Variants in DENND1B observed in about 807,000 individuals in gnomAD.
The protein encoded by DENND1B is DENN domain containing 1B.
DENND1B carries 59 observed loss-of-function variants against 90.1 expected under a neutral mutation model. That is an observed-to-expected ratio of 0.65 (90% CI 0.53 to 0.81). DENND1B has a LOEUF of 0.81. Among genes scored for constraint, DENND1B ranks in the 40% least tolerant of loss-of-function variants. The pLI, the probability that DENND1B is intolerant of heterozygous loss-of-function variation, is 0.00. For synonymous variants in DENND1B, 337 were observed against 324.6 expected (o/e 1.04, Z -0.41); for missense variants, 862 against 912.6 (o/e 0.94, Z 0.71).
chr1:197,591,744 C>T (rs375029291), intron 14 of DENND1B, among the ~76,000 whole-genome samples: 1 of 152,136 alleles, frequency 6.6e-6, no homozygotes, highest in African/African-American at 2.4e-5. Context: ...TTTGGTCTTT[C>T]CATTAGTGAA....
At chr1:197,709,920 G>T (rs1168654695) in intron 3 of DENND1B, among the ~76,000 whole-genome samples, 46 of 101,682 alleles carry the variant, frequency 4.5e-4, no homozygotes, top group Admixed American at 9.7e-4. Flanking sequence ...AAAGGCAGGG[G>T]TTGCAATCCT....
chr1:197,736,952 C>T (rs1662750910), intron 2 of DENND1B, among the ~76,000 whole-genome samples: 1 of 152,164 alleles, frequency 6.6e-6, no homozygotes, highest in Non-Finnish European at 1.5e-5. Flanking sequence ...TGAGATTTCT[C>T]AATACTAGCA....
In DENND1B at chr1:197,636,939, C is replaced by T. The variant is rs556615846; in HGVS notation, c.672+5772G>A. Among the ~76,000 whole-genome samples the T allele has an allele frequency of 4.6e-5, 7 of 151,346 alleles. No homozygotes were observed. The South Asian group carries it at 1.2e-3, about 27-fold the overall frequency. On this transcript the variant is annotated intron_variant, in intron 10 of 22. Transcript: ENST00000620048. ...GAAAAGATGGCGAGTTGCATTTTGG[C>T]GGTATTGAATGGGATGTCAACAATG...
chr1:197,657,892 G>A (rs1248810005), intron 6 of DENND1B, among the ~76,000 whole-genome samples: 1 of 152,126 alleles, frequency 6.6e-6, no homozygotes, highest in African/African-American at 2.4e-5. Context: ...ACAAACTGGG[G>A]TGTATTGATA....
intron 14 of DENND1B, among the ~76,000 whole-genome samples, chr1:197,586,712 T>C (rs1298749383): frequency 6.6e-6 from 1 of 152,230 alleles, no homozygotes; most frequent in Non-Finnish European, 1.5e-5. Context: ...CAATTGATTT[T>C]CGCAGATCAC....
In DENND1B at chr1:197,512,914, G is replaced by C. The variant is rs975871201; in HGVS notation, c.1555C>G (p.Leu519Val). The change falls in exon 21 of 23, where the codon CTA becomes GTA. Residue 519 changes from leucine to valine, a missense_variant. Leu to Val is a conservative substitution (Grantham distance 32). Coordinates refer to ENST00000620048, the MANE Select transcript of DENND1B (RefSeq NM_001195215.2). Reference protein sequence around the residue: ...KRPLKSLDGALYDDEDDDDIE... With the variant: ...KRPLKSLDGAVYDDEDDDDIE... ...TCATCATCATCTTCATCATCATATA[G>C]AGCACCATCAAGGCTCTTAAGAGGC... 6.2e-7 allele frequency: 1 copy of C among 1,610,462 alleles called. No homozygotes were observed. Among genetic ancestry groups the C allele is most frequent in the African/African-American group, 1.3e-5 (1 of 74,656 alleles).
Position 197,547,727 on chromosome 1 carries a change from T to C in DENND1B, c.1241-954A>G, listed in dbSNP as rs75870163. Reference sequence around the variant, plus strand: ...AAAAGGTGTGAGTTTCAGGTGGTATTTGGCTTGACCAAACTTTTAAAAGTA... The same window carrying C: ...AAAAGGTGTGAGTTTCAGGTGGTATCTGGCTTGACCAAACTTTTAAAAGTA... On this transcript the variant is annotated intron_variant, in intron 16 of 22. Transcript: ENST00000620048. Among the ~76,000 whole-genome samples, 462 of 152,296 alleles carry C rather than the reference T, an allele frequency of 3.0e-3. 5 individuals are homozygous for C. The highest frequency in any genetic ancestry group is 0.011 in the African/African-American group (445 of 41,568).
At chr1:197,702,879 C>T (rs924320190) in intron 3 of DENND1B, among the ~76,000 whole-genome samples, 3 of 152,130 alleles carry the variant, frequency 2.0e-5, no homozygotes, top group African/African-American at 7.2e-5. Flanking sequence ...TAAGACTAAA[C>T]TAGGGGCAAC....
intron 11 of DENND1B, among the ~76,000 whole-genome samples, chr1:197,612,311 G>A (rs906997914): frequency 6.0e-5 from 9 of 150,570 alleles, no homozygotes; most frequent in South Asian, 4.2e-4. Context: ...AATCTTTTCC[G>A]TATACCTCAT....
intron 2 of DENND1B, among the ~76,000 whole-genome samples, chr1:197,740,079 C>T (rs1327701217): frequency 6.6e-6 from 1 of 152,032 alleles, no homozygotes; most frequent in Non-Finnish European, 1.5e-5. Flanking sequence ...TAATTATGAG[C>T]GCAAAAGGAA....
At chr1:197,632,655 C>T (rs2125899945) in intron 10 of DENND1B, among the ~76,000 whole-genome samples, 1 of 152,298 alleles carries the variant, frequency 6.6e-6, no homozygotes, top group Middle Eastern at 3.4e-3. Flanking sequence ...TCTTTGGAAA[C>T]TCTACTCATG....
intron 3 of DENND1B, among the ~76,000 whole-genome samples, chr1:197,681,964 T>C (rs1255648675): frequency 6.6e-6 from 1 of 150,952 alleles, no homozygotes; most frequent in Non-Finnish European, 1.5e-5. Flanking sequence ...TTTTTTTGTT[T>C]TTGTTTTTGT....
At chr1:197,725,386 A>C (rs563192498) in intron 2 of DENND1B, among the ~76,000 whole-genome samples, 2 of 152,284 alleles carry the variant, frequency 1.3e-5, no homozygotes, top group Non-Finnish European at 2.9e-5. Flanking sequence ...CAAAACTGAA[A>C]GATTTACCAA....
At chr1:197,741,405 A>C (rs185172115) in intron 2 of DENND1B, among the ~76,000 whole-genome samples, 1 of 152,332 alleles carries the variant, frequency 6.6e-6, no homozygotes, top group Admixed American at 6.5e-5. Context: ...ATAATCATTA[A>C]AGCAGTTTTA....
At chr1:197,629,492 A>C (rs1338899359) in intron 10 of DENND1B, among the ~76,000 whole-genome samples, 1 of 136,612 alleles carries the variant, frequency 7.3e-6, no homozygotes, top group Non-Finnish European at 1.6e-5. Context: ...ACACATGGAC[A>C]CAGGAAGGGG....
intron 2 of DENND1B, among the ~76,000 whole-genome samples, chr1:197,747,989 T>A (rs1652926708): frequency 6.6e-6 from 1 of 152,138 alleles, no homozygotes; most frequent in African/African-American, 2.4e-5. Context: ...AGCACGTAAA[T>A]AGAATAAAAT....
chr1:197,715,543 A>T (rs2102241827), intron 2 of DENND1B, among the ~76,000 whole-genome samples: 1 of 151,968 alleles, frequency 6.6e-6, no homozygotes, highest in East Asian at 1.9e-4. Flanking sequence ...TCCAATTAAG[A>T]TTTACAAAAA....
At chr1:197,686,740 T>A (rs1266456184) in intron 3 of DENND1B, among the ~76,000 whole-genome samples, 1 of 151,214 alleles carries the variant, frequency 6.6e-6, no homozygotes, top group African/African-American at 2.4e-5. Flanking sequence ...TTTTTGTAAC[T>A]CTCTTCCTAT....
At chr1:197,638,459 T>G (rs1679980729) in intron 10 of DENND1B, among the ~76,000 whole-genome samples, 1 of 152,142 alleles carries the variant, frequency 6.6e-6, no homozygotes, top group African/African-American at 2.4e-5. Flanking sequence ...ATGAGAAAGC[T>G]CCTGTCAGAT....
Sources: gnomAD v4.1 joint callset for allele counts (sites outside exome capture counted in the v4.1 genomes callset) on GRCh38, gnomAD v4.1.1 for gene constraint, MANE v1.5 for transcripts, NCBI Gene and HGNC (gene_info 2026-07-23, HGNC 2026-07-21) for gene names.